Variants in CREBBP observed in about 807,000 individuals in gnomAD.
CREBBP encodes the protein CREB binding lysine acetyltransferase, also known as CREB-binding protein.
Under a neutral mutation model 265.0 loss-of-function variants are expected in CREBBP, and 19 were observed. The ratio of observed to expected loss-of-function variants is 0.07; its 90% CI spans 0.05 to 0.11. The LOEUF (loss-of-function observed/expected upper bound fraction) is 0.11. Among genes scored for constraint, CREBBP ranks in the 10% least tolerant of loss-of-function variants. CREBBP has a pLI of 1.00. For synonymous variants in CREBBP, 1,457 were observed against 1,223.7 expected (o/e 1.19, Z -3.98); for missense variants, 2,525 against 3,219.0 (o/e 0.78, Z 5.22).
chr16:3,845,805 T>G (rs746888692), intron 2 of CREBBP, among the ~76,000 whole-genome samples: 8 of 147,772 alleles, frequency 5.4e-5, no homozygotes, highest in Non-Finnish European at 1.2e-4. Flanking sequence ...GCGGATCACC[T>G]GAGACCAGGA....
Position 3,727,778 on chromosome 16 carries a change from T to C in CREBBP, c.7269A>G (p.Glu2423=), listed in dbSNP as rs2051784943. The C allele has an allele frequency of 1.2e-6, 2 of 1,614,106 alleles. No individual in the cohort carries two copies. Among genetic ancestry groups the C allele is most frequent in the Non-Finnish European group, 8.5e-7 (1 of 1,180,022 alleles). Residue 2423 remains glutamate, a synonymous_variant, in exon 31 of 31, where the codon GAA becomes GAG. Coordinates refer to ENST00000262367, the MANE Select transcript of CREBBP (RefSeq NM_004380.3). Reference sequence around the variant, plus strand: ...CCGTGGTGTCCCCGACCAGGGACAGTTCGCTGGACAGCGCACTCCTGCTGG... The same window carrying C: ...CCGTGGTGTCCCCGACCAGGGACAGCTCGCTGGACAGCGCACTCCTGCTGG... ...NTPSRSALSS[E]LSLVGDTTGD...
chr16:3,853,406 T>G (rs1031957312), intron 1 of CREBBP, among the ~76,000 whole-genome samples: 11 of 151,282 alleles, frequency 7.3e-5, no homozygotes, highest in African/African-American at 2.7e-4. Flanking sequence ...GTCAGGAGAT[T>G]GAGACCATCC....
intron 26 of CREBBP, 140 bp downstream of exon 26, chr16:3,738,419 A>C: frequency 1.5e-6 from 1 of 658,466 alleles, no homozygotes; most frequent in Non-Finnish European, 2.7e-6. Context: ...TGGAAAGAGG[A>C]GCTTTGGAGA....
At chr16:3,832,806 A>G (rs1424500739) in intron 2 of CREBBP, among the ~76,000 whole-genome samples, 1 of 152,214 alleles carries the variant, frequency 6.6e-6, no homozygotes, top group Non-Finnish European at 1.5e-5. Flanking sequence ...TAACATATAA[A>G]AAAGATAACA....
chr16:3,810,184 C>T (rs543854229), intron 3 of CREBBP, among the ~76,000 whole-genome samples: 41 of 152,246 alleles, frequency 2.7e-4, no homozygotes, highest in African/African-American at 9.6e-4. Context: ...ATATGCATCT[C>T]ATCAACAGAG....
rs370294967 is a variant in CREBBP, at chr16:3,788,946, C to T, written c.1330+3035G>A. On this transcript the variant is annotated intron_variant, in intron 5 of 30. Coordinates refer to ENST00000262367, the MANE Select transcript of CREBBP (RefSeq NM_004380.3). ...CAGTCTGGGTGACAGAGCAAGACTCCGTCTCAAAACAAACCAACCAACCAA... is the reference window on the plus strand; with the variant it reads ...CAGTCTGGGTGACAGAGCAAGACTCTGTCTCAAAACAAACCAACCAACCAA... 2.0e-4 allele frequency among the ~76,000 whole-genome samples: 31 copies of T among 152,244 alleles called. No homozygotes were observed. The East Asian group carries it at 2.3e-3, about 11-fold the overall frequency.
At chr16:3,736,225 G>C (rs1360754516) in intron 27 of CREBBP, 22 bp from the exon 28 acceptor site, 1 of 1,612,288 alleles carries the variant, frequency 6.2e-7, no homozygotes. Context: ...AAGCACAACA[G>C]TGAGATGAGG....
At position 3,728,166 on chromosome 16, in the gene CREBBP, C is replaced by T. The variant is rs1064793091; in HGVS notation, c.6881G>A (p.Arg2294Gln). 8 of 1,613,970 alleles carry T rather than the reference C, an allele frequency of 5.0e-6. No individual in the cohort carries two copies. The highest frequency in any genetic ancestry group is 1.1e-5 in the South Asian group (1 of 91,078). ...TPNIQQALQQ[R>Q]ILQQQQMKQQ... ...CTTCATCTGCTGTTGCTGCAGAATC[C>T]GCTGCTGCAGGGCTTGCTGGATGTT... The change falls in exon 31 of 31, where the codon CGG becomes CAG. Residue 2294 changes from arginine (R) to glutamine (Q), a missense_variant. This residue lies in a region of CREBBP where 473 missense variants were observed against 459.3 expected (regional missense o/e 1.03). Coordinates refer to ENST00000262367, the MANE Select transcript of CREBBP (RefSeq NM_004380.3). The surrounding 1 kb of genome is among the most constrained non-coding windows in gnomAD (Gnocchi z 8.7).
chr16:3,826,043 A>C (rs1471081781), intron 2 of CREBBP, among the ~76,000 whole-genome samples: 1 of 152,230 alleles, frequency 6.6e-6, no homozygotes, highest in East Asian at 1.9e-4. Flanking sequence ...GCCACATGGC[A>C]AATCTCCATC....
intron 1 of CREBBP, among the ~76,000 whole-genome samples, chr16:3,857,136 T>C (rs757854189): frequency 7.9e-5 from 12 of 152,204 alleles, no homozygotes; most frequent in Non-Finnish European, 1.3e-4. Context: ...TTTTCATTTA[T>C]GGTTTATTCT....
Position 3,736,004 on chromosome 16 carries a change from G to A in CREBBP, c.4728+32C>T, listed in dbSNP as rs781621922. The stretch of plus-strand genomic sequence containing the variant: ...CCACCCTGCAGCTCCAGCGGGACAC[G>A]TGGGCAATGGAGCTCAGAGAAGGGT... On this transcript the variant is annotated intron_variant, in intron 28 of 30. Coordinates refer to ENST00000262367, the MANE Select transcript of CREBBP (RefSeq NM_004380.3). 96 of 1,614,022 alleles carry A rather than the reference G, an allele frequency of 5.9e-5. 1 individual carries two copies. The highest frequency in any genetic ancestry group is 4.3e-4 in the South Asian group (39 of 91,090).
intron 5 of CREBBP, among the ~76,000 whole-genome samples, chr16:3,789,811 C>T (rs368249074): frequency 1.4e-4 from 21 of 152,086 alleles, no homozygotes; most frequent in African/African-American, 4.8e-4. Flanking sequence ...AGTAGAAAAC[C>T]TGTGGTTTAC....
intron 20 of CREBBP, among the ~76,000 whole-genome samples, chr16:3,750,462 G>A (rs901250706): frequency 4.6e-5 from 7 of 152,218 alleles, no homozygotes; most frequent in Non-Finnish European, 1.0e-4. Context: ...ATGGAAGACT[G>A]GGGAACTCAG....
intron 28 of CREBBP, among the ~76,000 whole-genome samples, chr16:3,733,368 A>C (rs1359549469): frequency 6.6e-6 from 1 of 151,480 alleles, no homozygotes; most frequent in Non-Finnish European, 1.5e-5. Flanking sequence ...TCTCAAAAAA[A>C]AAAAAAAAAA....
At chr16:3,835,929 T>A (rs2054439676) in intron 2 of CREBBP, among the ~76,000 whole-genome samples, 1 of 151,868 alleles carries the variant, frequency 6.6e-6, no homozygotes, top group African/African-American at 2.4e-5. Flanking sequence ...CAATGTCCAT[T>A]AATGGGAGAA....
Position 3,726,315 on chromosome 16 carries a change from G to C in CREBBP, c.*1403C>G. On this transcript the variant is annotated 3_prime_UTR_variant, in exon 31 of 31. Transcript: ENST00000262367. ...GCAGCTACGACGGACAGGGAGGATG[G>C]AGGAGTGGGCCAAATGCAGTTTCAG... 4.3e-6 allele frequency: 1 copy of C among 233,354 alleles called. No homozygotes were observed. The highest frequency in any genetic ancestry group is 6.0e-5 in the East Asian group (1 of 16,584). The allele number at this position is 233,354 out of a possible 1,614,324, so 14.5% of individuals were successfully genotyped here.
intron 2 of CREBBP, among the ~76,000 whole-genome samples, chr16:3,830,176 C>G (rs555926958): frequency 1.3e-5 from 2 of 152,068 alleles, no homozygotes; most frequent in Admixed American, 6.6e-5. Context: ...GTGGGCAGAT[C>G]GCTTGAGCTC....
chr16:3,790,039 A>C (rs926507303), intron 5 of CREBBP, among the ~76,000 whole-genome samples: 4 of 152,260 alleles, frequency 2.6e-5, no homozygotes, highest in Non-Finnish European at 5.9e-5. Flanking sequence ...ATTAAAGTTA[A>C]GAATAAAATT....
At chr16:3,839,002 T>G (rs2054511800) in intron 2 of CREBBP, among the ~76,000 whole-genome samples, 1 of 152,248 alleles carries the variant, frequency 6.6e-6, no homozygotes, top group African/African-American at 2.4e-5. Flanking sequence ...TCAGTAAACC[T>G]ATGCATATAC....
Sources: gnomAD v4.1 joint callset for allele counts (sites outside exome capture counted in the v4.1 genomes callset) on GRCh38, gnomAD v4.1.1 for gene constraint, gnomAD v4.1.1 regional missense constraint, Gnocchi (gnomAD v3.1) non-coding constraint, MANE v1.5 for transcripts, NCBI Gene and HGNC (gene_info 2026-07-23, HGNC 2026-07-21) for gene names.